CTCF: variants seen among roughly 807,000 people sequenced by gnomAD.
CTCF encodes the protein transcriptional repressor CTCF.
Under a neutral mutation model 72.3 loss-of-function variants are expected in CTCF, and 7 were observed. That is an observed-to-expected ratio of 0.10 (90% CI 0.06 to 0.18). The LOEUF (loss-of-function observed/expected upper bound fraction) is 0.18, where lower values mean the gene tolerates loss of function less well. Among genes scored for constraint, CTCF ranks in the 10% least tolerant of loss-of-function variants. The pLI is 1.00. For synonymous variants in CTCF, 374 were observed against 315.8 expected, an observed-to-expected ratio of 1.18 and a Z score of -1.95; for missense variants, 516 against 949.1, an observed-to-expected ratio of 0.54 and a Z score of 6.00.
chr16:67,570,832 A>G (rs1432340662), intron 1 of CTCF: 1 of 151,354 alleles, frequency 6.6e-6, no homozygotes, highest in Non-Finnish European at 1.5e-5. Context: ...TACAGCCTCA[A>G]ACTCCTGGGT....
At chr16:67,619,091 A>G (rs1030538393) in intron 5 of CTCF, among the ~76,000 whole-genome samples, 1 of 152,204 alleles carries the variant, frequency 6.6e-6, no homozygotes, top group Non-Finnish European at 1.5e-5. Context: ...AGAATTAGTA[A>G]CGCTGTTAGG....
At chr16:67,585,803 C>T (rs2051661844) in intron 2 of CTCF, among the ~76,000 whole-genome samples, 1 of 152,064 alleles carries the variant, frequency 6.6e-6, no homozygotes, top group Non-Finnish European at 1.5e-5. Flanking sequence ...TCTCTTATAT[C>T]TTTCTACTCC....
intron 2 of CTCF, among the ~76,000 whole-genome samples, chr16:67,588,331 A>G (rs898188348): frequency 6.6e-6 from 1 of 152,204 alleles, no homozygotes; most frequent in Non-Finnish European, 1.5e-5. Flanking sequence ...CTTGCTATAG[A>G]TTCTCAGTCT....
chr16:67,607,293 G>A (rs1356207117), intron 2 of CTCF, among the ~76,000 whole-genome samples: 1 of 150,790 alleles, frequency 6.6e-6, no homozygotes, highest in Non-Finnish European at 1.5e-5. Flanking sequence ...TCATTCACAA[G>A]ATTTTTGTTT....
intron 2 of CTCF, among the ~76,000 whole-genome samples, chr16:67,578,161 GA>G (rs758258410): frequency 2.6e-5 from 4 of 152,034 alleles, no homozygotes; most frequent in Admixed American, 6.6e-5. Context: ...GTAAGAACAT[GA>G]GGGGGAAATA....
intron 1 of CTCF, among the ~76,000 whole-genome samples, chr16:67,569,974 G>A (rs893968572): frequency 2.6e-5 from 4 of 152,052 alleles, no homozygotes; most frequent in Non-Finnish European, 5.9e-5. Context: ...GGAAAGCATA[G>A]CCTTTACTTG....
rs183886881 is a variant in CTCF at position 67,576,117 on chromosome 16, G to A, written c.-10+4853G>A. Among the ~76,000 whole-genome samples the A allele has an allele frequency of 8.7e-4, 129 of 147,938 alleles. 1 individual carries two copies. Among genetic ancestry groups the A allele is most frequent in the African/African-American group, 2.8e-3 (110 of 39,772 alleles). ...TTAAGGCTGCATGCACTCTAGCCTG[G>A]GTGACAGAGTGAGACCCTGTCTTAA... On this transcript the variant is annotated intron_variant, in intron 2 of 11. Coordinates refer to ENST00000264010, the MANE Select transcript of CTCF (RefSeq NM_006565.4).
At chr16:67,632,466 G>C (rs925758044) in intron 10 of CTCF, among the ~76,000 whole-genome samples, 1 of 152,184 alleles carries the variant, frequency 6.6e-6, no homozygotes, top group East Asian at 1.9e-4. Context: ...CCCAGAAAAG[G>C]GACGTCAGCC....
Position 67,591,723 on chromosome 16 carries a change from G to GC in CTCF, c.-9-19101_-9-19100insC, listed in dbSNP as rs1376325636. Among the ~76,000 whole-genome samples, 8 of 151,714 alleles carry GC rather than the reference G, an allele frequency of 5.3e-5. 1 individual carries two copies. In the South Asian group the frequency reaches 1.7e-3, roughly 32 times the overall value. On this transcript the variant is annotated intron_variant, in intron 2 of 11. Transcript: ENST00000264010. ...CAGGAAAAACTGATTACTTTTTTTG[G>GC]GGGGGGGCAGTAAGGGCACAGAGTC...
intron 2 of CTCF, among the ~76,000 whole-genome samples, chr16:67,581,549 T>G (rs1444686135): frequency 6.6e-6 from 1 of 151,956 alleles, no homozygotes; most frequent in Non-Finnish European, 1.5e-5. Flanking sequence ...TGTTGTCCAG[T>G]CTGGAGTGTG....
At chr16:67,611,680 A>G (rs1299024500) in intron 3 of CTCF, 67 bp downstream of exon 3, 6 of 1,419,248 alleles carry the variant, frequency 4.2e-6, no homozygotes, top group Non-Finnish European at 4.8e-6. Context: ...CACAGTGCAT[A>G]TGCAAGTTGT....
chr16:67,611,668 A>T, intron 3 of CTCF, 55 bp downstream of exon 3: 1 of 1,478,542 alleles, frequency 6.8e-7, no homozygotes, highest in Non-Finnish European at 9.3e-7. Context: ...ATAAGCATAC[A>T]ACACAGTGCA....
intron 2 of CTCF, among the ~76,000 whole-genome samples, chr16:67,608,121 G>A (rs898779700): frequency 1.3e-5 from 2 of 151,126 alleles, no homozygotes; most frequent in East Asian, 1.9e-4. Context: ...TCAGGAAATC[G>A]AGACCATCCT....
At position 67,629,658 on chromosome 16, in the gene CTCF, C is replaced by T. The variant is rs375358012; in HGVS notation, c.1837+125C>T. 58 of 789,194 alleles carry T rather than the reference C, an allele frequency of 7.3e-5. No homozygotes were observed. The East Asian group carries it at 1.8e-3, about 24-fold the overall frequency. The allele number at this position is 789,194 out of a possible 1,614,324, so 48.9% of individuals were successfully genotyped here. A position where few individuals can be genotyped will look rare whatever the true frequency, so the allele number is the denominator to read the frequency against. Reference sequence around the variant, plus strand: ...ACACTCTTCCTTTCTTTAAACTTCTCATCTCCTAACGTCTATTTACAACAG... The same window carrying T: ...ACACTCTTCCTTTCTTTAAACTTCTTATCTCCTAACGTCTATTTACAACAG... On this transcript the variant is annotated intron_variant, in intron 10 of 11. Coordinates refer to ENST00000264010, the MANE Select transcript of CTCF (RefSeq NM_006565.4).
chr16:67,611,048 G>A lies in CTCF; in HGVS notation c.216G>A (p.Gln72=). ...MMEQLDPTLL[Q]MKTEVMEGTV... ...AACAGCTGGACCCCACCCTTCTTCAGATGAAGACTGAAGTAATGGAGGGCA... is the reference window on the plus strand; with the variant it reads ...AACAGCTGGACCCCACCCTTCTTCAAATGAAGACTGAAGTAATGGAGGGCA... Residue 72 remains glutamine, a synonymous_variant, in exon 3 of 12, where the codon CAG becomes CAA. Coordinates refer to ENST00000264010, the MANE Select transcript of CTCF (RefSeq NM_006565.4). 6.2e-7 allele frequency: 1 copy of A among 1,614,190 alleles called. No individual in the cohort carries two copies. Among genetic ancestry groups the A allele is most frequent in the South Asian group, 1.1e-5 (1 of 91,086 alleles).
At chr16:67,609,283 CAGTT>C (rs2052023994) in intron 2 of CTCF, among the ~76,000 whole-genome samples, 1 of 152,168 alleles carries the variant, frequency 6.6e-6, no homozygotes, top group Non-Finnish European at 1.5e-5. Flanking sequence ...AATCTGCTCT[CAGTT>C]ATTTTCAGGT....
At chr16:67,597,554 G>T (rs1168040612) in intron 2 of CTCF, among the ~76,000 whole-genome samples, 1 of 152,036 alleles carries the variant, frequency 6.6e-6, no homozygotes, top group Non-Finnish European at 1.5e-5. Flanking sequence ...GGCCAGGCTG[G>T]TCTTGAACTC....
At chr16:67,620,648 T>TA in intron 5 of CTCF, 49 bp from the exon 6 acceptor site, 1 of 1,468,496 alleles carries the variant, frequency 6.8e-7, no homozygotes, top group Non-Finnish European at 9.2e-7. Flanking sequence ...GTGCTCTTGT[T>TA]ACAGTCTGTG....
At chr16:67,589,047 GTTGGGA>G (rs2051704490) in intron 2 of CTCF, among the ~76,000 whole-genome samples, 1 of 152,044 alleles carries the variant, frequency 6.6e-6, no homozygotes, top group Non-Finnish European at 1.5e-5. Flanking sequence ...ATCCCAACAT[GTTGGGA>G]GGCTGAGGCA....
Sources: allele counts gnomAD v4.1 joint callset (sites outside exome capture counted in the v4.1 genomes callset), GRCh38; gene constraint gnomAD v4.1.1; transcripts MANE v1.5; gene names NCBI Gene and HGNC (gene_info 2026-07-23, HGNC 2026-07-21).